KARS1: variants seen among roughly 807,000 people sequenced by gnomAD.
KARS1 encodes the protein lysyl-tRNA synthetase 1.
A neutral mutation model predicts 63.9 loss-of-function variants in KARS1; 50 were observed. The observed-to-expected ratio is 0.78, with a 90% CI of 0.62 to 0.99. The LOEUF (loss-of-function observed/expected upper bound fraction) is 0.99. Among genes scored for constraint, KARS1 ranks in the 50% least tolerant of loss-of-function variants. The probability of loss-of-function intolerance (pLI) is 0.00; values close to 1 mark genes in which losing one functional copy is unlikely to be tolerated. For synonymous variants in KARS1, 320 were observed against 264.6 expected (o/e 1.21, Z -2.03); for missense variants, 816 against 754.5 (o/e 1.08, Z -0.95).
rs143222191 is a variant in KARS1, at chr16:75,641,742, C to A, written c.63-19G>T. 1 of 1,613,090 alleles carries A rather than the reference C, an allele frequency of 6.2e-7. No individual in the cohort carries two copies. The highest frequency in any genetic ancestry group is 8.5e-7 in the Non-Finnish European group (1 of 1,179,888). Reference sequence around the variant, plus strand: ...CAGCTCACTGTTGGAAAGATGAAAGCGTTCAATGTGTTAGCTGCCTGAAGA... The same window carrying A: ...CAGCTCACTGTTGGAAAGATGAAAGAGTTCAATGTGTTAGCTGCCTGAAGA... On this transcript the variant is annotated intron_variant, in intron 1 of 13. Transcript: ENST00000302445.
intron 1 of KARS1, among the ~76,000 whole-genome samples, chr16:75,641,986 C>T (rs2082230056): frequency 1.3e-5 from 2 of 152,024 alleles, no homozygotes; most frequent in South Asian, 4.1e-4. Flanking sequence ...AGGTCCTTGG[C>T]ATTAGGTCCC....
At chr16:75,628,923 G>A in intron 12 of KARS1, 1 of 607,506 alleles carries the variant, frequency 1.6e-6, no homozygotes, top group Non-Finnish European at 2.9e-6. Flanking sequence ...ATCGACCTCA[G>A]AACACATACA....
At chr16:75,630,586 A>AGCTCCCATCCAGAT in intron 10 of KARS1, 78 bp from the exon 11 acceptor site, 1 of 840,072 alleles carries the variant, frequency 1.2e-6, no homozygotes, top group Non-Finnish European at 2.1e-6. Flanking sequence ...AGAAGATCTC[A>AGCTCCCATCCAGAT]GCTCCCATCC....
chr16:75,632,181 C>T (rs1029894595), intron 7 of KARS1, among the ~76,000 whole-genome samples: 57 of 152,274 alleles, frequency 3.7e-4, no homozygotes, highest in African/African-American at 1.2e-3. Flanking sequence ...TGAGCCACCG[C>T]GCCCGGCCCC....
intron 7 of KARS1, among the ~76,000 whole-genome samples, chr16:75,633,030 G>A (rs566013859): frequency 6.6e-6 from 1 of 152,234 alleles, no homozygotes; most frequent in East Asian, 1.9e-4. Context: ...TTGGGGGGAG[G>A]TTGACCAAAG....
In KARS1 at chr16:75,638,482, C is replaced by T. The variant is rs938392984; in HGVS notation, c.388+1702G>A. Among the ~76,000 whole-genome samples the T allele has an allele frequency of 3.3e-5, 5 of 151,708 alleles. No individual in the cohort carries two copies. The South Asian group carries it at 8.3e-4, about 25-fold the overall frequency. On this transcript the variant is annotated intron_variant, in intron 3 of 13. Transcript: ENST00000302445. ...CTCTCACTTATGAGTGAGTACGTGC[C>T]GTGAAAAGCAAAAAATTCTAACTTA...
At chr16:75,645,414 A>G (rs964436636) in intron 1 of KARS1, among the ~76,000 whole-genome samples, 2 of 152,230 alleles carry the variant, frequency 1.3e-5, no homozygotes, top group Admixed American at 1.3e-4. Flanking sequence ...CTAGGACCTC[A>G]GTTTATTAAT....
chr16:75,636,057 T>C lies in KARS1; in HGVS notation c.524A>G (p.Lys175Arg), dbSNP rs754632444. 1 of 1,605,322 alleles carries C rather than the reference T, an allele frequency of 6.2e-7. No homozygotes were observed. The highest frequency in any genetic ancestry group is 8.5e-7 in the Non-Finnish European group (1 of 1,172,044). Reference sequence around the variant, plus strand: ...TCCAATTATGTCTCCCCGACGCAGTTTGTTATTAATATGAATAAATTCTTC... The same window carrying C: ...TCCAATTATGTCTCCCCGACGCAGTCTGTTATTAATATGAATAAATTCTTC... The part of the protein sequence containing the change: ...SEEEFIHINN[K>R]LRRGDIIGVQ... Residue 175 changes from lysine to arginine, a missense_variant, in exon 5 of 14, where the codon AAA (lysine) becomes AGA (arginine). Coordinates refer to ENST00000302445, the MANE Select transcript of KARS1 (RefSeq NM_005548.3).
In KARS1 at chr16:75,640,183, C is replaced by T; in HGVS notation, c.388+1G>A. 1.2e-6 allele frequency: 2 copies of T among 1,613,896 alleles called. No homozygotes were observed. Among genetic ancestry groups the T allele is most frequent in the African/African-American group, 1.3e-5 (1 of 75,036 alleles). Reference sequence around the variant, plus strand: ...AGTGATTTGCCAGGGAGAGTTCCTACCTGCCACCTTTAAGGTGATGTCAGT... The same window carrying T: ...AGTGATTTGCCAGGGAGAGTTCCTATCTGCCACCTTTAAGGTGATGTCAGT... On this transcript the variant is annotated splice_donor_variant, in intron 3 of 13. Coordinates refer to ENST00000302445, the MANE Select transcript of KARS1 (RefSeq NM_005548.3). LOFTEE classifies it high-confidence loss of function.
intron 1 of KARS1, among the ~76,000 whole-genome samples, chr16:75,646,422 T>A (rs1439276811): frequency 1.3e-5 from 2 of 151,628 alleles, no homozygotes; most frequent in African/African-American, 2.4e-5. Flanking sequence ...ACGCCTGTAA[T>A]CCCAGCTACT....
At chr16:75,640,466 T>A in intron 2 of KARS1, 117 bp from the exon 3 acceptor site, 1 of 935,194 alleles carries the variant, frequency 1.1e-6, no homozygotes, top group South Asian at 1.4e-5. Flanking sequence ...TTGTTTTCTT[T>A]AACCAAGACC....
At chr16:75,635,484 T>C in intron 6 of KARS1, 196 bp downstream of exon 6, 1 of 660,896 alleles carries the variant, frequency 1.5e-6, no homozygotes, top group Non-Finnish European at 2.7e-6. Context: ...CTATACCTTG[T>C]CCATTATCTT....
chr16:75,641,541 T>C (rs2082223758), intron 2 of KARS1, 23 bp downstream of exon 2: 1 of 1,608,568 alleles, frequency 6.2e-7, no homozygotes, highest in Non-Finnish European at 8.5e-7. Context: ...TGCCCAACCA[T>C]GCTGGTGGCC....
At position 75,631,517 on chromosome 16, in the gene KARS1, T is replaced by C. The variant is rs774397948; in HGVS notation, c.1151A>G (p.Asp384Gly). The change falls in exon 9 of 14, where the codon GAT becomes GGT. Residue 384 changes from aspartate (D) to glycine (G), a missense_variant. By Grantham distance (94) the Asp-to-Gly change is moderately conservative. Coordinates refer to ENST00000302445, the MANE Select transcript of KARS1 (RefSeq NM_005548.3). ...HPDGPEGQAY[D>G]VDFTPPFRRI... ...CCGGAAGGGTGGGGTGAAGTCAACATCGTAGGCTTGGCCCTCTGGGCCATC... is the reference window on the plus strand; with the variant it reads ...CCGGAAGGGTGGGGTGAAGTCAACACCGTAGGCTTGGCCCTCTGGGCCATC... 1.2e-6 allele frequency: 2 copies of C among 1,614,136 alleles called. No homozygotes were observed. Among genetic ancestry groups the C allele is most frequent in the Non-Finnish European group, 8.5e-7 (1 of 1,179,974 alleles).
chr16:75,646,643 CG>C (rs1271432324), intron 1 of KARS1, among the ~76,000 whole-genome samples: 2 of 152,092 alleles, frequency 1.3e-5, no homozygotes, highest in African/African-American at 4.8e-5. Flanking sequence ...GGCTCGCTCA[CG>C]CAGCACTTCT....
At chr16:75,637,873 A>G (rs1284184746) in intron 3 of KARS1, among the ~76,000 whole-genome samples, 1 of 151,036 alleles carries the variant, frequency 6.6e-6, no homozygotes, top group African/African-American at 2.4e-5. Context: ...AGACCGTAAA[A>G]ACTAACAGGA....
chr16:75,645,131 C>T (rs1412233563), intron 1 of KARS1, among the ~76,000 whole-genome samples: 3 of 152,190 alleles, frequency 2.0e-5, no homozygotes, highest in African/African-American at 4.8e-5. Context: ...CAATACCTGG[C>T]ACAAAATGGT....
chr16:75,637,542 G>A (rs1309054042), intron 3 of KARS1, among the ~76,000 whole-genome samples: 5 of 152,034 alleles, frequency 3.3e-5, no homozygotes, highest in East Asian at 1.9e-4. Flanking sequence ...TTGGGAGGCC[G>A]AGGCAGGCAG....
intron 8 of KARS1, 34 bp from the exon 9 acceptor site, chr16:75,631,623 A>T (rs911900225): frequency 1.9e-6 from 3 of 1,613,870 alleles, no homozygotes; most frequent in Non-Finnish European, 2.5e-6. Context: ...GCGGGAATGA[A>T]ATCCAGGCAG....
Sources: allele counts gnomAD v4.1 joint callset (sites outside exome capture counted in the v4.1 genomes callset), GRCh38; gene constraint gnomAD v4.1.1; transcripts MANE v1.5; gene names NCBI Gene and HGNC (gene_info 2026-07-23, HGNC 2026-07-21).